Variants in ANGPT4 observed in about 807,000 individuals in gnomAD.
ANGPT4 encodes the protein angiopoietin 4.
A neutral mutation model predicts 53.0 loss-of-function variants in ANGPT4; 50 were observed. The ratio of observed to expected loss-of-function variants is 0.94; its 90% CI spans 0.75 to 1.20. The LOEUF (loss-of-function observed/expected upper bound fraction) is 1.20, where lower values mean the gene tolerates loss of function less well. Among genes scored for constraint, ANGPT4 ranks in the 50% most tolerant of loss-of-function variants. The pLI is 0.00. For synonymous variants in ANGPT4, 251 were observed against 259.7 expected, an observed-to-expected ratio of 0.97 and a Z score of 0.32; for missense variants, 648 against 637.1, an observed-to-expected ratio of 1.02 and a Z score of -0.18.
rs1380847738 is a variant in ANGPT4, at chr20:912,919, C to T, written c.309+2987G>A. On this transcript the variant is annotated intron_variant, in intron 1 of 8. Coordinates refer to ENST00000381922, the MANE Select transcript of ANGPT4 (RefSeq NM_015985.4). ...GTACCTGCAGTTTGTAGTGAGAATCCAGATTGGCTTTCACTGCTACATGGC... is the reference window on the plus strand; with the variant it reads ...GTACCTGCAGTTTGTAGTGAGAATCTAGATTGGCTTTCACTGCTACATGGC... Among the ~76,000 whole-genome samples, 22 of 152,242 alleles carry T rather than the reference C, an allele frequency of 1.4e-4. 1 individual carries two copies. Among genetic ancestry groups the T allele is most frequent in the Admixed American group, 1.4e-3 (22 of 15,292 alleles).
Position 908,605 on chromosome 20 carries a change from G to A in ANGPT4, c.309+7301C>T, listed in dbSNP as rs553875432. Among the ~76,000 whole-genome samples, 1 of 152,308 alleles carries A rather than the reference G, an allele frequency of 6.6e-6. No homozygotes were observed. The highest frequency in any genetic ancestry group is 1.9e-4 in the East Asian group (1 of 5,178). On this transcript the variant is annotated intron_variant, in intron 1 of 8. Transcript: ENST00000381922. The surrounding 1 kb of genome is among the most constrained non-coding windows in gnomAD (Gnocchi z 4.9). ...ACACCCACTGCTCCAGGGGCAAGGG[G>A]GAAGGATGGTCTTCCTTGCTCACTA... is the stretch of plus-strand genomic sequence containing the variant.
chr20:873,607 C>T (rs1251369606), intron 8 of ANGPT4, among the ~76,000 whole-genome samples: 1 of 152,148 alleles, frequency 6.6e-6, no homozygotes, highest in East Asian at 1.9e-4. Context: ...CTCTGCCTTT[C>T]GTGTCTCTGG....
intron 1 of ANGPT4, among the ~76,000 whole-genome samples, chr20:905,461 C>T (rs1469091572): frequency 6.6e-6 from 1 of 152,040 alleles, no homozygotes; most frequent in African/African-American, 2.4e-5. Flanking sequence ...GAGCCTCGAG[C>T]CCAGGCCCAG....
chr20:879,910 G>T, intron 5 of ANGPT4, 62 bp from the exon 6 acceptor site: 1 of 1,314,374 alleles, frequency 7.6e-7, no homozygotes, highest in Non-Finnish European at 1.1e-6. Context: ...CCAGGCCTGT[G>T]CTAGCCCAAA....
chr20:880,599 G>A (rs960104223), intron 5 of ANGPT4, among the ~76,000 whole-genome samples: 4 of 150,088 alleles, frequency 2.7e-5, no homozygotes, highest in Admixed American at 6.6e-5. Flanking sequence ...AAAAAAAAAA[G>A]GGAATTATGA....
At chr20:892,365 G>A (rs932382722) in intron 1 of ANGPT4, among the ~76,000 whole-genome samples, 1 of 152,156 alleles carries the variant, frequency 6.6e-6, no homozygotes, top group African/African-American at 2.4e-5. Context: ...GAAGGCTAAG[G>A]AGAGTGGATC....
chr20:905,723 A>T (rs912822906), intron 1 of ANGPT4, among the ~76,000 whole-genome samples: 4 of 152,196 alleles, frequency 2.6e-5, no homozygotes, highest in African/African-American at 9.7e-5. Flanking sequence ...CAACCAACTC[A>T]TTCAGATGTG....
At chr20:898,281 C>T (rs1264209363) in intron 1 of ANGPT4, among the ~76,000 whole-genome samples, 2 of 152,186 alleles carry the variant, frequency 1.3e-5, no homozygotes, top group Non-Finnish European at 2.9e-5. Context: ...CTGCTCACAC[C>T]CAGTCTGGCT....
chr20:907,725 G>A (rs1462340566), intron 1 of ANGPT4, among the ~76,000 whole-genome samples: 1 of 152,174 alleles, frequency 6.6e-6, no homozygotes, highest in African/African-American at 2.4e-5. Context: ...CGGTGCTTCT[G>A]CAAGGCCTCT....
At chr20:891,195 C>T (rs1981832316) in intron 1 of ANGPT4, among the ~76,000 whole-genome samples, 1 of 152,230 alleles carries the variant, frequency 6.6e-6, no homozygotes, top group Non-Finnish European at 1.5e-5. Context: ...TCACCAGCTT[C>T]CTCAGGGTGA....
chr20:909,557 T>C (rs1447371600), intron 1 of ANGPT4, among the ~76,000 whole-genome samples: 2 of 152,222 alleles, frequency 1.3e-5, no homozygotes, highest in South Asian at 4.1e-4. Flanking sequence ...CCTGGAGTCT[T>C]GACGTTTACT....
chr20:882,020 G>A (rs558821537), intron 4 of ANGPT4, among the ~76,000 whole-genome samples: 3 of 152,306 alleles, frequency 2.0e-5, no homozygotes, highest in African/African-American at 7.2e-5. Context: ...CTTCTTTGGA[G>A]CTCCCTTGGG....
intron 1 of ANGPT4, among the ~76,000 whole-genome samples, chr20:910,044 C>T (rs900205737): frequency 6.6e-5 from 10 of 152,146 alleles, no homozygotes; most frequent in Non-Finnish European, 1.3e-4. Context: ...CAGCTAATGC[C>T]CAGGGACCCA....
At chr20:885,395 C>T (rs1207051951) in intron 3 of ANGPT4, 70 bp from the exon 4 acceptor site, 3 of 1,446,030 alleles carry the variant, frequency 2.1e-6, no homozygotes, top group Admixed American at 5.2e-5. Context: ...CGCGCCTCCC[C>T]GGCCCTGGAG....
rs775414137 is a variant in ANGPT4, at chr20:878,282, C to T, written c.1099G>A (p.Val367Met). The T allele has an allele frequency of 6.2e-6, 10 of 1,610,928 alleles. No individual in the cohort carries two copies. The highest frequency in any genetic ancestry group is 7.6e-6 in the Non-Finnish European group (9 of 1,178,536). Residue 367 changes from valine to methionine, a missense_variant, in exon 7 of 9, where the codon GTG (valine) becomes ATG (methionine). Coordinates refer to ENST00000381922, the MANE Select transcript of ANGPT4 (RefSeq NM_015985.4). ...GCTGCCCTTCTGGTGAGCTGGTGCA[C>T]CACTTCATTGCCCAGCCAGTGCTCC... ...AGEHWLGNEV[V>M]HQLTRRAAYS... is the part of the protein sequence containing the mutation.
intron 2 of ANGPT4, among the ~76,000 whole-genome samples, chr20:889,118 G>A (rs1981733962): frequency 6.6e-6 from 1 of 152,168 alleles, no homozygotes. Context: ...CCTGGCTGCA[G>A]CCCTACCTTC....
chr20:892,323 C>T (rs544768487), intron 1 of ANGPT4, among the ~76,000 whole-genome samples: 5 of 152,206 alleles, frequency 3.3e-5, no homozygotes, highest in East Asian at 3.9e-4. Flanking sequence ...AGGCCAGGTG[C>T]GGTGGCTCAC....
At chr20:898,495 C>T (rs1982142734) in intron 1 of ANGPT4, among the ~76,000 whole-genome samples, 1 of 152,204 alleles carries the variant, frequency 6.6e-6, no homozygotes, top group Non-Finnish European at 1.5e-5. Context: ...CCATTAGATG[C>T]TTCACAGCCC....
intron 2 of ANGPT4, 81 bp downstream of exon 2, chr20:890,132 G>T: frequency 6.5e-7 from 1 of 1,531,854 alleles, no homozygotes; most frequent in Admixed American, 1.8e-5. Context: ...CAGGGTCAGA[G>T]ATCAAGGTAA....
Sources: allele counts gnomAD v4.1 joint callset (sites outside exome capture counted in the v4.1 genomes callset), GRCh38; gene constraint gnomAD v4.1.1; non-coding constraint Gnocchi (gnomAD v3.1); transcripts MANE v1.5; gene names NCBI Gene and HGNC (gene_info 2026-07-23, HGNC 2026-07-21).